Variants in ZMAT4 observed in about 807,000 individuals in gnomAD.
ZMAT4 encodes the protein zinc finger matrin-type protein 4.
ZMAT4 carries 17 observed loss-of-function variants against 28.7 expected under a neutral mutation model. That is an observed-to-expected ratio of 0.59 (90% CI 0.41 to 0.89). The LOEUF (loss-of-function observed/expected upper bound fraction) is 0.89, where lower values mean the gene tolerates loss of function less well. ZMAT4 is among the 40% of genes least tolerant of loss of function. The probability of loss-of-function intolerance (pLI) is 0.00; values close to 1 mark genes in which losing one functional copy is unlikely to be tolerated. For missense variants in ZMAT4, 240 were observed against 283.8 expected (o/e 0.85, Z 1.11); for synonymous variants, 117 against 109.2 (o/e 1.07, Z -0.44).
chr8:40,682,363 C>T (rs1401750458), intron 4 of ZMAT4, among the ~76,000 whole-genome samples: 1 of 152,156 alleles, frequency 6.6e-6, no homozygotes, highest in East Asian at 1.9e-4. Context: ...AAGGCTGGCC[C>T]AGTCAGAATA....
At chr8:40,878,281 A>C (rs960229798) in intron 1 of ZMAT4, among the ~76,000 whole-genome samples, 1 of 152,180 alleles carries the variant, frequency 6.6e-6, no homozygotes, top group Non-Finnish European at 1.5e-5. Flanking sequence ...CCTCACTTGA[A>C]GTCAGGTGGC....
chr8:40,612,681 A>G (rs1585757533), intron 5 of ZMAT4, among the ~76,000 whole-genome samples: 1 of 136,834 alleles, frequency 7.3e-6, no homozygotes, highest in East Asian at 1.9e-4. Context: ...CAAACTCAAC[A>G]TGACCAAAGC....
chr8:40,636,407 A>G (rs1026524338), intron 5 of ZMAT4, among the ~76,000 whole-genome samples: 6 of 152,210 alleles, frequency 3.9e-5, no homozygotes, highest in Non-Finnish European at 7.3e-5. Flanking sequence ...CATATCCATC[A>G]TGTTTTTTAG....
At chr8:40,872,412 C>T (rs894629582) in intron 1 of ZMAT4, among the ~76,000 whole-genome samples, 2 of 152,194 alleles carry the variant, frequency 1.3e-5, no homozygotes, top group African/African-American at 4.8e-5. Context: ...CTCCCCCTCC[C>T]TGTAGGCCTC....
intron 2 of ZMAT4, among the ~76,000 whole-genome samples, chr8:40,794,090 T>A (rs1051920558): frequency 5.4e-5 from 8 of 148,126 alleles, no homozygotes; most frequent in Middle Eastern, 3.3e-3. Flanking sequence ...GCAATTTTTT[T>A]AATGTTTTTT....
chr8:40,752,204 G>A (rs990665939), intron 3 of ZMAT4, among the ~76,000 whole-genome samples: 5 of 152,152 alleles, frequency 3.3e-5, no homozygotes, highest in African/African-American at 1.2e-4. Flanking sequence ...CCTCTCACTT[G>A]GCACCTATCT....
intron 2 of ZMAT4, among the ~76,000 whole-genome samples, chr8:40,772,928 T>C (rs919922950): frequency 9.2e-5 from 14 of 152,082 alleles, no homozygotes; most frequent in Non-Finnish European, 2.1e-4. Context: ...AACCGGCTGA[T>C]GCGAGATGAG....
intron 1 of ZMAT4, among the ~76,000 whole-genome samples, chr8:40,882,681 T>C (rs1050023437): frequency 7.9e-5 from 12 of 152,182 alleles, no homozygotes; most frequent in Non-Finnish European, 2.9e-5. Context: ...GGCAATACGC[T>C]AGACGCTTGG....
intron 1 of ZMAT4, among the ~76,000 whole-genome samples, chr8:40,872,293 C>T (rs1817885657): frequency 6.6e-6 from 1 of 152,252 alleles, no homozygotes; most frequent in Non-Finnish European, 1.5e-5. Context: ...AAGGGGGCAT[C>T]CCACAGAGCA....
At chr8:40,549,017 T>G in intron 6 of ZMAT4, among the ~76,000 whole-genome samples, 1 of 152,088 alleles carries the variant, frequency 6.6e-6, no homozygotes, top group East Asian at 1.9e-4. Flanking sequence ...TGAATAATAT[T>G]AAGAGGTGGA....
At chr8:40,589,156 T>C (rs897358888) in intron 5 of ZMAT4, among the ~76,000 whole-genome samples, 11 of 152,210 alleles carry the variant, frequency 7.2e-5, no homozygotes, top group Admixed American at 6.5e-4. Flanking sequence ...ACTGATGTGC[T>C]TACTTTACCC....
chr8:40,619,861 G>T (rs936433247), intron 5 of ZMAT4, among the ~76,000 whole-genome samples: 4 of 152,140 alleles, frequency 2.6e-5, no homozygotes, highest in Admixed American at 6.5e-5. Flanking sequence ...CCACCATAAA[G>T]AGCCAAAATG....
chr8:40,651,614 C>T (rs1193070290), intron 5 of ZMAT4, among the ~76,000 whole-genome samples: 81 of 145,946 alleles, frequency 5.6e-4, no homozygotes, highest in African/African-American at 1.8e-3. Context: ...GAGCCCGCAT[C>T]GCCAAGTCAA....
intron 1 of ZMAT4, among the ~76,000 whole-genome samples, chr8:40,872,701 C>T (rs1274825074): frequency 6.6e-6 from 1 of 152,074 alleles, no homozygotes; most frequent in Admixed American, 6.5e-5. Context: ...CTGCAACATT[C>T]TGGGTGCTTA....
chr8:40,743,706 T>C (rs1812106269), intron 3 of ZMAT4, among the ~76,000 whole-genome samples: 1 of 151,990 alleles, frequency 6.6e-6, no homozygotes, highest in African/African-American at 2.4e-5. Flanking sequence ...GATAGCGGCA[T>C]GGGCAGGGAG....
At chr8:40,645,046 CTATA>C (rs1807239239) in intron 5 of ZMAT4, among the ~76,000 whole-genome samples, 1 of 152,002 alleles carries the variant, frequency 6.6e-6, no homozygotes, top group Non-Finnish European at 1.5e-5. Flanking sequence ...ATATAGTATT[CTATA>C]TGGGATCCTG....
intron 5 of ZMAT4, among the ~76,000 whole-genome samples, chr8:40,637,245 A>G (rs989268420): frequency 2.6e-5 from 4 of 152,370 alleles, no homozygotes; most frequent in African/African-American, 9.6e-5. Flanking sequence ...TCAAAATAAA[A>G]TAACATAAAA....
At chr8:40,720,801 C>T (rs1006162899) in intron 3 of ZMAT4, among the ~76,000 whole-genome samples, 1 of 151,828 alleles carries the variant, frequency 6.6e-6, no homozygotes, top group Admixed American at 6.6e-5. Context: ...GCTGGGATTA[C>T]AGGCATGAGC....
chr8:40,599,174 T>A (rs1193235138), intron 5 of ZMAT4, among the ~76,000 whole-genome samples: 1 of 152,178 alleles, frequency 6.6e-6, no homozygotes. Flanking sequence ...TACACTTTAG[T>A]CATCTAACAC....
Sources: gnomAD v4.1 joint callset for allele counts (sites outside exome capture counted in the v4.1 genomes callset) on GRCh38, gnomAD v4.1.1 for gene constraint, MANE v1.5 for transcripts, NCBI Gene and HGNC (gene_info 2026-07-23, HGNC 2026-07-21) for gene names.